The following MALRD1 variants were observed in gnomAD, a reference collection of about 807,000 sequenced individuals.
The protein encoded by MALRD1 is MAM and LDL receptor class A domain containing 1, also known as MAM and LDL-receptor class A domain-containing protein 1.
A neutral mutation model predicts 242.1 loss-of-function variants in MALRD1; 247 were observed. The ratio of observed to expected loss-of-function variants is 1.02; its 90% confidence interval spans 0.92 to 1.13. The LOEUF (loss-of-function observed/expected upper bound fraction) is 1.13. MALRD1 is among the 50% of genes most tolerant of loss of function. The pLI is 0.00. For missense variants in MALRD1, 2,989 were observed against 2,533.1 expected, an observed-to-expected ratio of 1.18 and a Z score of -3.86; for synonymous variants, 995 against 866.6, an observed-to-expected ratio of 1.15 and a Z score of -2.60.
chr10:19,633,411 A>G (rs1348499224), intron 36 of MALRD1, among the ~76,000 whole-genome samples: 1 of 152,190 alleles, frequency 6.6e-6, no homozygotes, highest in Non-Finnish European at 1.5e-5. Context: ...TGTCAAGCAC[A>G]TAAGATATCT....
intron 24 of MALRD1, among the ~76,000 whole-genome samples, chr10:19,337,798 C>T (rs1247221461): frequency 1.3e-5 from 2 of 152,072 alleles, no homozygotes; most frequent in Non-Finnish European, 2.9e-5. Context: ...TGCGGTGGTT[C>T]ACGACTGTAA....
chr10:19,464,470 C>A (rs558198963), intron 29 of MALRD1, among the ~76,000 whole-genome samples: 1 of 152,152 alleles, frequency 6.6e-6, no homozygotes, highest in African/African-American at 2.4e-5. Context: ...ATAGGGTGTC[C>A]TTTCTCTAAT....
intron 36 of MALRD1, among the ~76,000 whole-genome samples, chr10:19,682,948 T>A (rs1360310976): frequency 1.3e-5 from 2 of 152,102 alleles, no homozygotes; most frequent in Admixed American, 1.3e-4. Flanking sequence ...ACCTGCTGAT[T>A]CTTCCCTTTC....
intron 22 of MALRD1, among the ~76,000 whole-genome samples, chr10:19,325,582 C>G (rs1392787051): frequency 6.6e-6 from 1 of 152,042 alleles, no homozygotes; most frequent in African/African-American, 2.4e-5. Context: ...ATTGAAGAAG[C>G]CAACTCAATT....
intron 38 of MALRD1, among the ~76,000 whole-genome samples, chr10:19,697,029 A>G (rs1487885240): frequency 6.6e-6 from 1 of 152,220 alleles, no homozygotes; most frequent in African/African-American, 2.4e-5. Flanking sequence ...GACTTTAAGA[A>G]GTTTGTAATC....
chr10:19,210,377 C>A (rs72786562), intron 18 of MALRD1, among the ~76,000 whole-genome samples: 20,604 of 152,136 alleles, frequency 0.14, 1,493 homozygotes, highest in Middle Eastern at 0.2. Context: ...ACTGTTTATC[C>A]CTGGCCAAAC....
chr10:19,128,182 T>C (rs184368477), intron 7 of MALRD1, 39 bp from the exon 8 acceptor site: 139 of 1,219,002 alleles, frequency 1.1e-4, no homozygotes, highest in Non-Finnish European at 5.6e-5. Context: ...AAGAAGCTAA[T>C]GTTTTCCTAA....
At chr10:19,209,774 G>T in intron 18 of MALRD1, 94 bp downstream of exon 18, 2 of 1,269,728 alleles carry the variant, frequency 1.6e-6, no homozygotes, top group South Asian at 3.3e-5. Context: ...AAAAGCAAGT[G>T]GAATTTGATC....
At chr10:19,685,849 C>T (rs1842560460) in intron 36 of MALRD1, among the ~76,000 whole-genome samples, 1 of 152,182 alleles carries the variant, frequency 6.6e-6, no homozygotes, top group Non-Finnish European at 1.5e-5. Context: ...GACAAACTTA[C>T]ATCCATGTCT....
At chr10:19,303,412 A>C (rs774985219) in intron 21 of MALRD1, among the ~76,000 whole-genome samples, 69 of 151,768 alleles carry the variant, frequency 4.5e-4, no homozygotes, top group Non-Finnish European at 8.6e-4. Context: ...ATCAGAAATC[A>C]CAGATATAAA....
chr10:19,633,424 A>C (rs1314683453), intron 36 of MALRD1, among the ~76,000 whole-genome samples: 1 of 152,188 alleles, frequency 6.6e-6, no homozygotes, highest in Non-Finnish European at 1.5e-5. Flanking sequence ...AGATATCTAA[A>C]GACATTTGCT....
chr10:19,579,310 C>T, intron 33 of MALRD1, among the ~76,000 whole-genome samples: 1 of 152,160 alleles, frequency 6.6e-6, no homozygotes, highest in Non-Finnish European at 1.5e-5. Flanking sequence ...TGATTTGTCT[C>T]TCATTTGACC....
intron 38 of MALRD1, among the ~76,000 whole-genome samples, chr10:19,714,876 C>G (rs1020135891): frequency 6.6e-6 from 1 of 152,114 alleles, no homozygotes; most frequent in African/African-American, 2.4e-5. Flanking sequence ...GTGAAACTAT[C>G]ACCCCTACCC....
chr10:19,155,810 C>G (rs927520354), intron 12 of MALRD1, among the ~76,000 whole-genome samples: 2 of 152,180 alleles, frequency 1.3e-5, no homozygotes, highest in Middle Eastern at 3.4e-3. Flanking sequence ...GGAATAATGT[C>G]AAGGATTAAA....
At chr10:19,664,190 G>T (rs1196301218) in intron 36 of MALRD1, among the ~76,000 whole-genome samples, 1 of 151,296 alleles carries the variant, frequency 6.6e-6, no homozygotes, top group Non-Finnish European at 1.5e-5. Context: ...CACCATCTAA[G>T]ACTCTAATGT....
intron 8 of MALRD1, among the ~76,000 whole-genome samples, chr10:19,129,030 T>C (rs1588586686): frequency 2.0e-5 from 3 of 152,162 alleles, no homozygotes. Flanking sequence ...ATCTCACTTC[T>C]GACACCAGAT....
intron 12 of MALRD1, among the ~76,000 whole-genome samples, chr10:19,159,644 AAAAG>A (rs1834312842): frequency 2.6e-5 from 4 of 152,080 alleles, no homozygotes; most frequent in Non-Finnish European, 4.4e-5. Flanking sequence ...AATTAAAAAA[AAAAG>A]AAAGAAAGAA....
chr10:19,188,667 A>G (rs1037795475), intron 14 of MALRD1, among the ~76,000 whole-genome samples: 10 of 152,178 alleles, frequency 6.6e-5, no homozygotes, highest in African/African-American at 2.4e-4. Context: ...TTTATGTTCA[A>G]CGGAAGATCA....
chr10:19,111,552 G>C (rs1229474519), intron 5 of MALRD1, among the ~76,000 whole-genome samples: 1 of 152,172 alleles, frequency 6.6e-6, no homozygotes, highest in African/African-American at 2.4e-5. Context: ...ATGACAGAGG[G>C]CAATAAGCTG....
Sources: gnomAD v4.1 joint callset for allele counts (sites outside exome capture counted in the v4.1 genomes callset) on GRCh38, gnomAD v4.1.1 for gene constraint, MANE v1.5 for transcripts, NCBI Gene and HGNC (gene_info 2026-07-23, HGNC 2026-07-21) for gene names.